RANBP17: variants seen among roughly 807,000 people sequenced by gnomAD.
RANBP17 encodes RAN binding protein 17, also known as ran-binding protein 17.
Under a neutral mutation model 141.2 loss-of-function variants are expected in RANBP17, and 158 were observed. The ratio of observed to expected loss-of-function variants is 1.12; its 90% confidence interval spans 0.98 to 1.28. The LOEUF is 1.28. RANBP17 is among the 50% of genes most tolerant of loss of function. The pLI is 0.00. For synonymous variants in RANBP17, 430 were observed against 450.0 expected, an observed-to-expected ratio of 0.96 and a Z score of 0.56; for missense variants, 1,438 against 1,290.7, an observed-to-expected ratio of 1.11 and a Z score of -1.75.
intron 14 of RANBP17, among the ~76,000 whole-genome samples, chr5:171,166,761 G>A (rs986783008): frequency 1.3e-5 from 2 of 152,156 alleles, no homozygotes; most frequent in African/African-American, 2.4e-5. Flanking sequence ...GAATGATAAG[G>A]TACCTTGAAA....
chr5:171,159,148 T>A (rs559889167), intron 14 of RANBP17, among the ~76,000 whole-genome samples: 48 of 152,216 alleles, frequency 3.2e-4, no homozygotes, highest in Non-Finnish European at 6.6e-4. Context: ...AATTAAAAGC[T>A]TGTTTAGTGG....
At chr5:171,030,561 T>C (rs1479241999) in intron 14 of RANBP17, among the ~76,000 whole-genome samples, 1 of 152,060 alleles carries the variant, frequency 6.6e-6, no homozygotes, top group African/African-American at 2.4e-5. Flanking sequence ...TCCCACTAGA[T>C]CATAAGTGTT....
intron 3 of RANBP17, among the ~76,000 whole-genome samples, chr5:170,891,511 T>C (rs1769599861): frequency 1.3e-5 from 2 of 152,200 alleles, no homozygotes; most frequent in Admixed American, 6.5e-5. Flanking sequence ...TATAAAGAAA[T>C]ATCTGAGACT....
At chr5:170,995,803 G>A (rs917282708) in intron 14 of RANBP17, among the ~76,000 whole-genome samples, 9 of 152,152 alleles carry the variant, frequency 5.9e-5, no homozygotes, top group South Asian at 4.1e-4. Context: ...AAGGGAGGGG[G>A]TGAACAAATT....
chr5:171,026,006 T>A (rs1276515172), intron 14 of RANBP17, among the ~76,000 whole-genome samples: 2 of 152,214 alleles, frequency 1.3e-5, no homozygotes, highest in Non-Finnish European at 2.9e-5. Flanking sequence ...GTGTCTGTGT[T>A]GTTCGCCATT....
intron 14 of RANBP17, among the ~76,000 whole-genome samples, chr5:171,135,063 G>A (rs1757175922): frequency 6.6e-6 from 1 of 151,978 alleles, no homozygotes; most frequent in African/African-American, 2.4e-5. Flanking sequence ...GAGATGAGGA[G>A]TTCAAGACCA....
At chr5:170,916,675 T>G in intron 9 of RANBP17, 91 bp downstream of exon 9, 1 of 876,640 alleles carries the variant, frequency 1.1e-6, no homozygotes, top group Non-Finnish European at 1.6e-6. Flanking sequence ...TTATTATGAT[T>G]CTGGAAGAAA....
At chr5:171,048,045 T>C (rs1295189893) in intron 14 of RANBP17, among the ~76,000 whole-genome samples, 1 of 152,164 alleles carries the variant, frequency 6.6e-6, no homozygotes, top group East Asian at 1.9e-4. Flanking sequence ...CTGACTTGCA[T>C]CTTTACATTT....
intron 14 of RANBP17, among the ~76,000 whole-genome samples, chr5:170,974,759 ACT>A (rs889050462): frequency 6.6e-6 from 1 of 151,938 alleles, no homozygotes; most frequent in African/African-American, 2.4e-5. Flanking sequence ...ACCAGTGTTT[ACT>A]CTCTATGCCC....
intron 11 of RANBP17, among the ~76,000 whole-genome samples, chr5:170,922,246 C>T (rs183356030): frequency 5.5e-4 from 83 of 152,164 alleles, no homozygotes; most frequent in Admixed American, 2.7e-3. Flanking sequence ...GTCTGTCAGC[C>T]CCTACTGGGA....
intron 25 of RANBP17, among the ~76,000 whole-genome samples, chr5:171,276,694 A>G (rs1409565134): frequency 1.3e-5 from 2 of 152,166 alleles, no homozygotes; most frequent in African/African-American, 4.8e-5. Context: ...CAACAGCCAT[A>G]CCTTTTTGCT....
intron 14 of RANBP17, among the ~76,000 whole-genome samples, chr5:171,136,203 G>A (rs955994362): frequency 1.3e-5 from 2 of 152,024 alleles, no homozygotes; most frequent in African/African-American, 4.8e-5. Flanking sequence ...CTTTTAATTT[G>A]TATAAGGGTA....
At chr5:170,933,104 A>G (rs952847375) in intron 12 of RANBP17, among the ~76,000 whole-genome samples, 2 of 152,130 alleles carry the variant, frequency 1.3e-5, no homozygotes, top group African/African-American at 4.8e-5. Context: ...TTATTGGTCT[A>G]TTCAGGGATT....
At chr5:171,137,403 A>G (rs1197885985) in intron 14 of RANBP17, among the ~76,000 whole-genome samples, 1 of 152,172 alleles carries the variant, frequency 6.6e-6, no homozygotes, top group Non-Finnish European at 1.5e-5. Context: ...AAGACTGAAC[A>G]CTTCCATCCA....
rs1252698203 is a variant in RANBP17 at position 171,089,212 on chromosome 5, C to T, written c.1711-80918C>T. Among the ~76,000 whole-genome samples the T allele has an allele frequency of 4.6e-5, 6 of 130,990 alleles. No homozygotes were observed. In the South Asian group the frequency reaches 1.9e-3, roughly 41 times the overall value. 85.9% of individuals were successfully genotyped at this position (130,990 alleles called of 152,430 possible). On this transcript the variant is annotated intron_variant, in intron 14 of 27. Coordinates refer to ENST00000523189, the MANE Select transcript of RANBP17 (RefSeq NM_022897.5). ...CTCAGCTGCAGGTCTGTTGGAATAC[C>T]CTGCAGTGTGAGGTGTCAGTGTGCC...
intron 14 of RANBP17, among the ~76,000 whole-genome samples, chr5:171,059,544 C>G (rs1245370210): frequency 3.3e-5 from 5 of 151,420 alleles, no homozygotes; most frequent in South Asian, 4.2e-4. Context: ...GGTACCAGTA[C>G]CATGCTGTTT....
chr5:171,061,072 C>T (rs1783806391), intron 14 of RANBP17, among the ~76,000 whole-genome samples: 1 of 151,966 alleles, frequency 6.6e-6, no homozygotes, highest in Non-Finnish European at 1.5e-5. Flanking sequence ...ATTAGTCTTG[C>T]TAGCGGTCTA....
At chr5:171,222,522 A>G (rs953832084) in intron 22 of RANBP17, among the ~76,000 whole-genome samples, 11 of 152,184 alleles carry the variant, frequency 7.2e-5, no homozygotes, top group Non-Finnish European at 1.5e-4. Context: ...GCTCTGTGCA[A>G]TGCACTTCTC....
intron 22 of RANBP17, 101 bp downstream of exon 22, chr5:171,221,941 A>G (rs1426438294): frequency 1.3e-6 from 1 of 788,068 alleles, no homozygotes; most frequent in African/African-American, 1.7e-5. Flanking sequence ...TCATATCTTT[A>G]TGAATTTGTG....
Sources: allele counts gnomAD v4.1 joint callset (sites outside exome capture counted in the v4.1 genomes callset), GRCh38; gene constraint gnomAD v4.1.1; transcripts MANE v1.5; gene names NCBI Gene and HGNC (gene_info 2026-07-23, HGNC 2026-07-21).